IL1RAPL2: variants seen among roughly 807,000 people sequenced by gnomAD.
IL1RAPL2 encodes the protein interleukin 1 receptor accessory protein like 2, also known as X-linked interleukin-1 receptor accessory protein-like 2.
In IL1RAPL2, 3 loss-of-function variants were observed where a neutral mutation model predicts 44.1. The ratio of observed to expected loss-of-function variants is 0.07; its 90% CI spans 0.03 to 0.18. The LOEUF is 0.18. IL1RAPL2 is among the 10% of genes least tolerant of loss of function. The pLI is 1.00. For synonymous variants in IL1RAPL2, 181 were observed against 178.8 expected (o/e 1.01, Z -0.10); for missense variants, 391 against 496.4 (o/e 0.79, Z 2.02).
chrX:105,193,601 CAA>C (rs2033650633), intron 2 of IL1RAPL2, among the ~76,000 whole-genome samples: 1 of 111,878 alleles, frequency 8.9e-6, no homozygotes, highest in African/African-American at 3.2e-5. Context: ...TCAGCAAATT[CAA>C]GTTTCCTTCT....
intron 2 of IL1RAPL2, among the ~76,000 whole-genome samples, chrX:105,161,329 T>C (rs6621938): frequency 0.52 from 57,102 of 109,110 alleles, 13,090 homozygotes; most frequent in East Asian, 0.75. Context: ...TTTTTTCTCA[T>C]TCACTTGAAT....
chrX:104,745,613 TAAC>T (rs2147580535), intron 2 of IL1RAPL2, among the ~76,000 whole-genome samples: 1 of 112,139 alleles, frequency 8.9e-6, no homozygotes, highest in Admixed American at 9.5e-5. Context: ...ATAAAGCGTT[TAAC>T]AAAAGTCACA....
chrX:104,987,266 T>G (rs1250902366), intron 2 of IL1RAPL2, among the ~76,000 whole-genome samples: 1 of 111,224 alleles, frequency 9.0e-6, no homozygotes, highest in Non-Finnish European at 1.9e-5. Flanking sequence ...GTTCCAGGTT[T>G]CTGGAAAGAT....
chrX:105,763,998 A>T (rs1277786916), intron 10 of IL1RAPL2, among the ~76,000 whole-genome samples: 1 of 111,889 alleles, frequency 8.9e-6, no homozygotes, highest in Non-Finnish European at 1.9e-5. Context: ...ATTAATGTAT[A>T]CATAGGGCAA....
chrX:104,829,272 G>A lies in IL1RAPL2; in HGVS notation c.82+170277G>A, dbSNP rs113414887. 7.0e-3 allele frequency among the ~76,000 whole-genome samples: 788 copies of A among 111,950 alleles called. 9 individuals carry two copies. The highest frequency in any genetic ancestry group is 0.037 in the Middle Eastern group (8 of 219). ...GGCTCTTGTGGTATAGGCACCCAAG[G>A]GAATCTCCTGTTCTGTGGGTTGCAA... On this transcript the variant is annotated intron_variant, in intron 2 of 10. Coordinates refer to ENST00000372582, the MANE Select transcript of IL1RAPL2 (RefSeq NM_017416.2).
intron 3 of IL1RAPL2, among the ~76,000 whole-genome samples, chrX:105,217,419 A>G (rs1603014075): frequency 8.9e-6 from 1 of 112,082 alleles, no homozygotes; most frequent in East Asian, 2.8e-4. Context: ...CACACCAGTT[A>G]GAATGGCGAT....
intron 2 of IL1RAPL2, among the ~76,000 whole-genome samples, chrX:105,082,502 T>A (rs2032425166): frequency 9.0e-6 from 1 of 111,650 alleles, no homozygotes; most frequent in East Asian, 2.8e-4. Flanking sequence ...GTATACTGAA[T>A]GGGAGATACC....
At chrX:104,902,722 T>A (rs901779784) in intron 2 of IL1RAPL2, among the ~76,000 whole-genome samples, 5 of 111,964 alleles carry the variant, frequency 4.5e-5, no homozygotes, top group Non-Finnish European at 9.4e-5. Context: ...ATAACTAGTG[T>A]TATAGGTAAC....
chrX:105,659,644 G>A (rs1024980133), intron 6 of IL1RAPL2, among the ~76,000 whole-genome samples: 2 of 107,504 alleles, frequency 1.9e-5, no homozygotes, highest in Admixed American at 2.0e-4. Context: ...GCGACAGAGT[G>A]AGACTCTGTC....
chrX:105,403,567 A>G (rs2035620959), intron 5 of IL1RAPL2, among the ~76,000 whole-genome samples: 1 of 111,669 alleles, frequency 9.0e-6, no homozygotes, highest in Non-Finnish European at 1.9e-5. Context: ...ATCTGTATAA[A>G]GAACCAAAAT....
chrX:104,638,524 G>T (rs1244779599), intron 1 of IL1RAPL2, among the ~76,000 whole-genome samples: 3 of 111,534 alleles, frequency 2.7e-5, no homozygotes, highest in African/African-American at 9.8e-5. Context: ...CATTACATTT[G>T]CTGTATCCCA....
chrX:105,033,314 A>T (rs1434500403), intron 2 of IL1RAPL2, among the ~76,000 whole-genome samples: 1 of 111,581 alleles, frequency 9.0e-6, no homozygotes, highest in Non-Finnish European at 1.9e-5. Flanking sequence ...GTTTCTTCCT[A>T]GCCTTGATGG....
intron 2 of IL1RAPL2, among the ~76,000 whole-genome samples, chrX:105,080,779 T>G (rs979173215): frequency 5.4e-5 from 6 of 112,007 alleles, no homozygotes; most frequent in Non-Finnish European, 1.1e-4. Flanking sequence ...TTGATGGGGA[T>G]AGCATTGAAT....
At position 105,696,073 on chromosome X, in the gene IL1RAPL2, G is replaced by A. The variant is rs112702574; in HGVS notation, c.773-21294G>A. Among the ~76,000 whole-genome samples, 752 of 111,987 alleles carry A rather than the reference G, an allele frequency of 6.7e-3. 6 individuals are homozygous for A. Among genetic ancestry groups the A allele is most frequent in the African/African-American group, 0.023 (706 of 30,835 alleles). On this transcript the variant is annotated intron_variant, in intron 6 of 10. Coordinates refer to ENST00000372582, the MANE Select transcript of IL1RAPL2 (RefSeq NM_017416.2). ...TGACTCTGCTCTGGAAAATTTAAAT[G>A]CAGCCTGCTAATATTCAGTATGTAC...
chrX:105,024,333 T>G (rs1284595434), intron 2 of IL1RAPL2, among the ~76,000 whole-genome samples: 5 of 111,563 alleles, frequency 4.5e-5, no homozygotes, highest in African/African-American at 1.6e-4. Context: ...AAATTCTGCT[T>G]TTAATATGGA....
chrX:105,291,771 A>C (rs2034614318), intron 5 of IL1RAPL2, among the ~76,000 whole-genome samples: 1 of 111,658 alleles, frequency 9.0e-6, no homozygotes, highest in Admixed American at 9.6e-5. Context: ...CTAGGGCCTC[A>C]AAGACCTTTT....
At chrX:105,069,103 G>T (rs2032174466) in intron 2 of IL1RAPL2, among the ~76,000 whole-genome samples, 1 of 111,695 alleles carries the variant, frequency 9.0e-6, no homozygotes, top group South Asian at 3.8e-4. Flanking sequence ...TGGTGGTTAG[G>T]AAGTGAAGGA....
chrX:105,642,021 C>T (rs5916937), intron 6 of IL1RAPL2, among the ~76,000 whole-genome samples: 1 of 110,770 alleles, frequency 9.0e-6, no homozygotes, highest in African/African-American at 3.3e-5. Flanking sequence ...TTCCTTATTC[C>T]CTCACGGTAT....
intron 2 of IL1RAPL2, among the ~76,000 whole-genome samples, chrX:105,060,306 T>A (rs1045003215): frequency 8.9e-6 from 1 of 111,830 alleles, no homozygotes; most frequent in Non-Finnish European, 1.9e-5. Flanking sequence ...AGTATTTTTA[T>A]CATGAAGAAA....
Sources: gnomAD v4.1 joint callset for allele counts (sites outside exome capture counted in the v4.1 genomes callset) on GRCh38, gnomAD v4.1.1 for gene constraint, MANE v1.5 for transcripts, NCBI Gene and HGNC (gene_info 2026-07-23, HGNC 2026-07-21) for gene names.